SOX5: variants seen among roughly 807,000 people sequenced by gnomAD.
SOX5 encodes the protein SRY-box transcription factor 5, also known as transcription factor SOX-5.
SOX5 carries 9 observed loss-of-function variants against 92.0 expected under a neutral mutation model. That is an observed-to-expected ratio of 0.10 (90% CI 0.06 to 0.17). The LOEUF (loss-of-function observed/expected upper bound fraction) is 0.17, where lower values mean the gene tolerates loss of function less well. Ranked by LOEUF, SOX5 falls within the 10% of genes least tolerant of loss-of-function variation. SOX5 has a pLI of 1.00. For synonymous variants in SOX5, 344 were observed against 336.3 expected, an observed-to-expected ratio of 1.02 and a Z score of -0.25; for missense variants, 642 against 944.5, an observed-to-expected ratio of 0.68 and a Z score of 4.20.
At chr12:23,613,404 C>T (rs1216311685) in intron 8 of SOX5, among the ~76,000 whole-genome samples, 1 of 151,360 alleles carries the variant, frequency 6.6e-6, no homozygotes, top group Non-Finnish European at 1.5e-5. Context: ...ACTTGTATAT[C>T]GCTGATGGGA....
At chr12:23,695,417 CAGG>C (rs141500781) in intron 6 of SOX5, among the ~76,000 whole-genome samples, 206 of 152,196 alleles carry the variant, frequency 1.4e-3, no homozygotes, top group African/African-American at 4.9e-3. Flanking sequence ...CAACATTAAA[CAGG>C]AGGATAGTTC....
At chr12:23,844,385 A>C (rs1164647201) in intron 3 of SOX5, among the ~76,000 whole-genome samples, 1 of 152,250 alleles carries the variant, frequency 6.6e-6, no homozygotes, top group African/African-American at 2.4e-5. Context: ...CTAATCATAA[A>C]AAATTAGCAG....
intron 6 of SOX5, among the ~76,000 whole-genome samples, chr12:23,704,687 C>CATATAT (rs376550773): frequency 0.035 from 3,163 of 89,972 alleles, 131 homozygotes; most frequent in South Asian, 0.063. Context: ...TATATGCATG[C>CATATAT]ATATATATAT....
At position 24,099,477 on chromosome 12, in the gene SOX5, G is replaced by C. The variant is rs147432658; in HGVS notation, c.-2+113866C>G. 5.3e-3 allele frequency among the ~76,000 whole-genome samples: 809 copies of C among 152,262 alleles called. 7 individuals are homozygous for C. The highest frequency in any genetic ancestry group is 7.6e-3 in the Non-Finnish European group (517 of 67,998). ...TGAATTCGGATGAAGGAGCTACTTT[G>C]TTCTCCCTTTCATTAATCAATCACT... On this transcript the variant is annotated intron_variant, in intron 4 of 4. Transcript: ENST00000446891.
chr12:23,983,840 C>T (rs1050418671), intron 4 of SOX5, among the ~76,000 whole-genome samples: 2 of 152,008 alleles, frequency 1.3e-5, no homozygotes, highest in South Asian at 2.1e-4. Flanking sequence ...TAAAAGTTTA[C>T]AATATTATCC....
chr12:23,762,572 G>A (rs1226612410), intron 3 of SOX5: 2 of 550,488 alleles, frequency 3.6e-6, no homozygotes, highest in Admixed American at 6.6e-5. Context: ...ATACTTGTTT[G>A]TTTCCACTTG....
At chr12:23,838,286 T>C (rs141451850) in intron 3 of SOX5, among the ~76,000 whole-genome samples, 55 of 150,610 alleles carry the variant, frequency 3.7e-4, no homozygotes, top group African/African-American at 1.1e-3. Flanking sequence ...ATTTTTGCTT[T>C]GTTACTGTTT....
intron 4 of SOX5, among the ~76,000 whole-genome samples, chr12:24,109,389 G>A (rs1947062432): frequency 6.6e-6 from 1 of 151,304 alleles, no homozygotes; most frequent in African/African-American, 2.4e-5. Context: ...ACCAACTTTT[G>A]TTTAAGATAT....
intron 1 of SOX5, among the ~76,000 whole-genome samples, chr12:24,431,968 G>A (rs1367041123): frequency 6.6e-6 from 1 of 151,966 alleles, no homozygotes; most frequent in African/African-American, 2.4e-5. Context: ...CAGGACTTCA[G>A]GATCTTCTCT....
chr12:23,712,096 C>A (rs1732853949), intron 6 of SOX5, among the ~76,000 whole-genome samples: 1 of 152,152 alleles, frequency 6.6e-6, no homozygotes, highest in African/African-American at 2.4e-5. Flanking sequence ...GTGCTATTTT[C>A]ACTGCACCTC....
intron 1 of SOX5, among the ~76,000 whole-genome samples, chr12:24,488,485 T>C (rs909640203): frequency 1.4e-4 from 21 of 152,134 alleles, no homozygotes; most frequent in African/African-American, 5.1e-4. Flanking sequence ...CTTGAGGGGC[T>C]GAGGCCAGAG....
chr12:23,690,022 C>A (rs2088464748), intron 6 of SOX5, among the ~76,000 whole-genome samples: 2 of 152,126 alleles, frequency 1.3e-5, no homozygotes, highest in South Asian at 4.1e-4. Flanking sequence ...ATGGAATCTG[C>A]TTCTAATGCA....
At chr12:24,053,319 G>A (rs1013506328) in intron 4 of SOX5, among the ~76,000 whole-genome samples, 15 of 151,740 alleles carry the variant, frequency 9.9e-5, no homozygotes, top group Non-Finnish European at 1.3e-4. Context: ...TAGTAGAGAC[G>A]GGGTTTCACC....
intron 13 of SOX5, among the ~76,000 whole-genome samples, chr12:23,539,304 T>A: frequency 6.6e-6 from 1 of 152,204 alleles, no homozygotes; most frequent in East Asian, 1.9e-4. Flanking sequence ...AAATATATAG[T>A]AGTGAGTGAA....
chr12:24,399,345 A>T (rs1596298368), intron 1 of SOX5, among the ~76,000 whole-genome samples: 2 of 152,206 alleles, frequency 1.3e-5, no homozygotes, highest in South Asian at 2.1e-4. Flanking sequence ...AACAAACTTT[A>T]AAAAACCAAT....
chr12:24,117,196 T>G (rs951480233), intron 4 of SOX5, among the ~76,000 whole-genome samples: 1 of 152,118 alleles, frequency 6.6e-6, no homozygotes, highest in Non-Finnish European at 1.5e-5. Flanking sequence ...GAATGGCCAA[T>G]AGACATGTTT....
intron 11 of SOX5, among the ~76,000 whole-genome samples, chr12:23,552,951 C>T (rs1348747781): frequency 6.6e-6 from 1 of 151,906 alleles, no homozygotes; most frequent in East Asian, 1.9e-4. Flanking sequence ...AGAAAACAGG[C>T]TTTGATTCTT....
At chr12:23,787,805 AAGG>A (rs2095407401) in intron 3 of SOX5, among the ~76,000 whole-genome samples, 1 of 151,928 alleles carries the variant, frequency 6.6e-6, no homozygotes, top group African/African-American at 2.4e-5. Flanking sequence ...AAAGTAAAAT[AAGG>A]GTTATAAAAT....
At chr12:23,988,488 A>G (rs1302489082) in intron 4 of SOX5, among the ~76,000 whole-genome samples, 1 of 152,224 alleles carries the variant, frequency 6.6e-6, no homozygotes, top group Non-Finnish European at 1.5e-5. Context: ...TCTTTGGATC[A>G]TAAGAGATAT....
Sources: gnomAD v4.1 joint callset for allele counts (sites outside exome capture counted in the v4.1 genomes callset) on GRCh38, gnomAD v4.1.1 for gene constraint, MANE v1.5 for transcripts, NCBI Gene and HGNC (gene_info 2026-07-23, HGNC 2026-07-21) for gene names.